STAG1: variants seen among roughly 807,000 people sequenced by gnomAD.
STAG1 encodes STAG1 cohesin complex component.
Under a neutral mutation model 170.9 loss-of-function variants are expected in STAG1, and 26 were observed. That is an observed-to-expected ratio of 0.15 (90% CI 0.11 to 0.21). STAG1 has a LOEUF of 0.21. Among genes scored for constraint, STAG1 ranks in the 10% least tolerant of loss-of-function variants. The probability of loss-of-function intolerance (pLI) is 1.00; values close to 1 mark genes in which losing one functional copy is unlikely to be tolerated. For synonymous variants in STAG1, 514 were observed against 497.7 expected (o/e 1.03, Z -0.44); for missense variants, 964 against 1,509.5 (o/e 0.64, Z 5.99).
At chr3:136,498,233 T>TATATATACATACAC in intron 9 of STAG1, among the ~76,000 whole-genome samples, 1 of 57,512 alleles carries the variant, frequency 1.7e-5, no homozygotes, top group Admixed American at 2.2e-4. Flanking sequence ...TATATATATA[T>TATATATACATACAC]ACACATACAT....
At chr3:136,733,923 C>A (rs543006710) in intron 1 of STAG1, among the ~76,000 whole-genome samples, 6 of 151,916 alleles carry the variant, frequency 3.9e-5, no homozygotes, top group African/African-American at 1.5e-4. Context: ...CTGGCTAACA[C>A]GGTGAAACCC....
rs147279844 is a variant in STAG1 at position 136,545,447 on chromosome 3, T to C, written c.395-3252A>G. Among the ~76,000 whole-genome samples the C allele has an allele frequency of 2.1e-3, 316 of 152,166 alleles. 3 individuals carry two copies. Among genetic ancestry groups the C allele is most frequent in the African/African-American group, 7.4e-3 (309 of 41,522 alleles). The stretch of plus-strand genomic sequence containing the variant: ...AAGACTAGACATAAATATGGATGGA[T>C]TGGTAGAAAAAATCTGAGTCAGGAT... On this transcript the variant is annotated intron_variant, in intron 5 of 33. Coordinates refer to ENST00000383202, the MANE Select transcript of STAG1 (RefSeq NM_005862.3).
At chr3:136,354,715 T>C (rs1189856922) in intron 28 of STAG1, among the ~76,000 whole-genome samples, 1 of 35,272 alleles carries the variant, frequency 2.8e-5, no homozygotes, top group Non-Finnish European at 5.6e-5. Flanking sequence ...CTAGAAAACA[T>C]ACATTTAATA....
At chr3:136,504,120 TA>T in intron 7 of STAG1, among the ~76,000 whole-genome samples, 1 of 152,348 alleles carries the variant, frequency 6.6e-6, no homozygotes, top group African/African-American at 2.4e-5. Flanking sequence ...TATTTCTATC[TA>T]CACGTATACT....
chr3:136,606,701 T>C (rs1378498608), intron 3 of STAG1, among the ~76,000 whole-genome samples: 3 of 151,452 alleles, frequency 2.0e-5, no homozygotes, highest in Non-Finnish European at 4.4e-5. Context: ...GTTTTTGTCA[T>C]AACTAGACAA....
chr3:136,423,104 A>G (rs1165339839), intron 16 of STAG1, 60 bp from the exon 17 acceptor site: 1 of 1,113,950 alleles, frequency 9.0e-7, no homozygotes, highest in Non-Finnish European at 1.3e-6. Flanking sequence ...CCAAACTGTT[A>G]CATATATTGA....
intron 15 of STAG1, among the ~76,000 whole-genome samples, chr3:136,433,973 T>C (rs2088383275): frequency 6.6e-6 from 1 of 152,118 alleles, no homozygotes; most frequent in Non-Finnish European, 1.5e-5. Flanking sequence ...TCCTAATTTT[T>C]CTTTTTTAAT....
chr3:136,675,893 A>T lies in STAG1; in HGVS notation c.-83-44912T>A, dbSNP rs540028383. 2.6e-5 allele frequency among the ~76,000 whole-genome samples: 4 copies of T among 152,366 alleles called. No individual in the cohort carries two copies. In the South Asian group the frequency reaches 8.3e-4, roughly 32 times the overall value. Reference sequence around the variant, plus strand: ...ACAATGTGCAATGAAGAAATTATCTAATGATGCATTTTCTCAGAAAATTTT... The same window carrying T: ...ACAATGTGCAATGAAGAAATTATCTTATGATGCATTTTCTCAGAAAATTTT... On this transcript the variant is annotated intron_variant, in intron 1 of 33. Transcript: ENST00000383202.
intron 11 of STAG1, among the ~76,000 whole-genome samples, chr3:136,472,776 T>G (rs1462749456): frequency 6.6e-6 from 1 of 152,174 alleles, no homozygotes; most frequent in African/African-American, 2.4e-5. Context: ...TAAAGAAAAT[T>G]TTAAGCAGGT....
intron 21 of STAG1, among the ~76,000 whole-genome samples, chr3:136,414,990 T>C (rs1044410653): frequency 6.6e-6 from 1 of 152,168 alleles, no homozygotes; most frequent in Non-Finnish European, 1.5e-5. Flanking sequence ...AGGTCCACCA[T>C]CTTATGTGGG....
At chr3:136,447,694 C>A (rs1247270044) in intron 14 of STAG1, among the ~76,000 whole-genome samples, 1 of 150,164 alleles carries the variant, frequency 6.7e-6, no homozygotes, top group African/African-American at 2.5e-5. Flanking sequence ...GCAAGCTCCG[C>A]CTCCCGGGTT....
chr3:136,729,349 C>T (rs1178385301), intron 1 of STAG1, among the ~76,000 whole-genome samples: 1 of 152,084 alleles, frequency 6.6e-6, no homozygotes, highest in Non-Finnish European at 1.5e-5. Context: ...GTCTACCCTA[C>T]ATCAAGCTAT....
At chr3:136,396,065 G>A (rs911132819) in intron 22 of STAG1, among the ~76,000 whole-genome samples, 1 of 152,120 alleles carries the variant, frequency 6.6e-6, no homozygotes, top group Non-Finnish European at 1.5e-5. Flanking sequence ...ATGATGCCCA[G>A]CTAACTTTGT....
intron 22 of STAG1, among the ~76,000 whole-genome samples, chr3:136,396,748 G>A (rs1023852682): frequency 9.3e-5 from 14 of 150,610 alleles, no homozygotes; most frequent in African/African-American, 2.9e-4. Context: ...GGCTGGTCTC[G>A]AACTCTTGAC....
intron 1 of STAG1, among the ~76,000 whole-genome samples, chr3:136,724,728 T>C (rs1450028390): frequency 1.3e-5 from 2 of 152,008 alleles, no homozygotes; most frequent in East Asian, 1.9e-4. Flanking sequence ...GATGAAGTGA[T>C]GTGGTTGGGT....
intron 5 of STAG1, among the ~76,000 whole-genome samples, chr3:136,567,404 C>A (rs1172930428): frequency 6.6e-6 from 1 of 152,210 alleles, no homozygotes; most frequent in Non-Finnish European, 1.5e-5. Flanking sequence ...CCGGACTGAA[C>A]CATGCTTTCT....
intron 16 of STAG1, among the ~76,000 whole-genome samples, chr3:136,429,928 C>CCT (rs2088245014): frequency 6.6e-6 from 1 of 152,090 alleles, no homozygotes; most frequent in Non-Finnish European, 1.5e-5. Context: ...TGCAAGAATA[C>CCT]AGTGTATAAT....
chr3:136,383,653 T>C (rs1221801440), intron 22 of STAG1, among the ~76,000 whole-genome samples: 1 of 152,032 alleles, frequency 6.6e-6, no homozygotes, highest in Non-Finnish European at 1.5e-5. Context: ...ACCCCCACTT[T>C]ATGTATAAAG....
At chr3:136,743,235 GA>G (rs1182731686) in intron 1 of STAG1, among the ~76,000 whole-genome samples, 1 of 152,062 alleles carries the variant, frequency 6.6e-6, no homozygotes, top group African/African-American at 2.4e-5. Context: ...AGGCGTAGTG[GA>G]GGGCACCTGT....
Sources: gnomAD v4.1 joint callset for allele counts (sites outside exome capture counted in the v4.1 genomes callset) on GRCh38, gnomAD v4.1.1 for gene constraint, MANE v1.5 for transcripts, NCBI Gene and HGNC (gene_info 2026-07-23, HGNC 2026-07-21) for gene names.